The following PAQR8 variants were observed in gnomAD, a reference collection of about 807,000 sequenced individuals.
PAQR8 encodes progestin and adipoQ receptor family member 8.
PAQR8 carries 17 observed loss-of-function variants against 25.2 expected under a neutral mutation model. The observed-to-expected ratio is 0.67, with a 90% CI of 0.46 to 1.01. The LOEUF (loss-of-function observed/expected upper bound fraction) is 1.01. PAQR8 is among the 50% of genes least tolerant of loss of function. The pLI is 0.00. For missense variants in PAQR8, 392 were observed against 448.4 expected, an observed-to-expected ratio of 0.87 and a Z score of 1.14; for synonymous variants, 204 against 190.6, an observed-to-expected ratio of 1.07 and a Z score of -0.58.
intron 1 of PAQR8, among the ~76,000 whole-genome samples, chr6:52,371,123 G>A (rs903132515): frequency 6.6e-6 from 1 of 152,078 alleles, no homozygotes; most frequent in Admixed American, 6.6e-5. Context: ...TTTAGGTAGT[G>A]AAAAATGCTA....
intron 1 of PAQR8, among the ~76,000 whole-genome samples, chr6:52,385,617 C>T (rs1013820107): frequency 5.3e-5 from 8 of 152,148 alleles, no homozygotes; most frequent in East Asian, 1.9e-4. Flanking sequence ...TGCACCATGG[C>T]GTATGTCTGG....
intron 1 of PAQR8, among the ~76,000 whole-genome samples, chr6:52,375,933 T>A (rs1402253502): frequency 1.3e-5 from 2 of 152,196 alleles, no homozygotes; most frequent in Non-Finnish European, 2.9e-5. Context: ...AATCAAATCA[T>A]TCTTAAGGAA....
intron 1 of PAQR8, among the ~76,000 whole-genome samples, chr6:52,366,446 C>G (rs1763354913): frequency 6.6e-6 from 1 of 152,164 alleles, no homozygotes; most frequent in African/African-American, 2.4e-5. Flanking sequence ...ATGGATTTTA[C>G]TACATGATAT....
intron 1 of PAQR8, among the ~76,000 whole-genome samples, chr6:52,394,606 A>G (rs1438243306): frequency 1.3e-5 from 2 of 152,210 alleles, no homozygotes; most frequent in Non-Finnish European, 1.5e-5. Context: ...TCTCAAAACA[A>G]CCAGTACCCT....
chr6:52,393,382 C>G (rs993588163), intron 1 of PAQR8, among the ~76,000 whole-genome samples: 1 of 131,052 alleles, frequency 7.6e-6, no homozygotes, highest in Non-Finnish European at 1.5e-5. Context: ...GTTGTCCAGG[C>G]TGGAGTGCAG....
rs199504597 is a variant in PAQR8, at chr6:52,403,474, G to A, written c.261G>A (p.Leu87=). The change falls in exon 2 of 2, where the codon CTG becomes CTA. Residue 87 remains leucine, a synonymous_variant. Transcript: ENST00000442253. ...VNVWTHLLAA[L]AVLLRFWAFA... ...TCTGGACCCATTTACTGGCAGCCCT[G>A]GCCGTCCTCTTGCGATTCTGGGCCT... The A allele has an allele frequency of 3.2e-5, 51 of 1,614,168 alleles. No homozygotes were observed. The East Asian group carries it at 9.4e-4, about 30-fold the overall frequency.
At chr6:52,375,290 A>G (rs1763472949) in intron 1 of PAQR8, among the ~76,000 whole-genome samples, 1 of 152,158 alleles carries the variant, frequency 6.6e-6, no homozygotes, top group African/African-American at 2.4e-5. Flanking sequence ...TCAGGAAGCC[A>G]TTACCAAGCA....
At chr6:52,369,114 A>G (rs1463177163) in intron 1 of PAQR8, among the ~76,000 whole-genome samples, 1 of 152,168 alleles carries the variant, frequency 6.6e-6, no homozygotes, top group East Asian at 1.9e-4. Flanking sequence ...TCAGAGCAAT[A>G]TTTTTTGAAT....
chr6:52,364,090 T>TTTTTTTTTTG, intron 1 of PAQR8, among the ~76,000 whole-genome samples: 1 of 143,762 alleles, frequency 7.0e-6, no homozygotes, highest in East Asian at 2.0e-4. Flanking sequence ...TATGTTTTTT[T>TTTTTTTTTTG]TTTTTTTTTT....
chr6:52,406,231 A>G lies in PAQR8; in HGVS notation c.*1953A>G. The G allele has an allele frequency of 2.8e-6, 1 of 355,828 alleles. No individual in the cohort carries two copies. 22.0% of individuals were successfully genotyped at this position (355,828 alleles called of 1,614,324 possible). Reference sequence around the variant, plus strand: ...AGGTCAATTTAAAATAGGGACTAGAAATTATTTGAAGTTTTCTTTATTACG... The same window carrying G: ...AGGTCAATTTAAAATAGGGACTAGAGATTATTTGAAGTTTTCTTTATTACG... On this transcript the variant is annotated 3_prime_UTR_variant, in exon 2 of 2. Transcript: ENST00000442253.
chr6:52,382,016 A>G (rs1025863624), intron 1 of PAQR8, among the ~76,000 whole-genome samples: 3 of 152,222 alleles, frequency 2.0e-5, no homozygotes, highest in Non-Finnish European at 4.4e-5. Context: ...AGTGGATTCA[A>G]CAGATGTTTG....
At position 52,403,733 on chromosome 6, in the gene PAQR8, C is replaced by G. The variant is rs201072442; in HGVS notation, c.520C>G (p.Arg174Gly). 1.2e-6 allele frequency: 2 copies of G among 1,614,212 alleles called. No homozygotes were observed. Among genetic ancestry groups the G allele is most frequent in the Admixed American group, 1.7e-5 (1 of 60,026 alleles). The change falls in exon 2 of 2, where the codon CGG becomes GGG. Residue 174 changes from arginine to glycine, a missense_variant. Physicochemically the swap from Arg to Gly is moderately radical, Grantham distance 125. Transcript: ENST00000442253. Reference sequence around the variant, plus strand: ...CAGCTCTGACCAGGCCTGGTATGACCGGTTCTGGCTTTTCTTCTTGCCAGC... The same window carrying G: ...CAGCTCTGACCAGGCCTGGTATGACGGGTTCTGGCTTTTCTTCTTGCCAGC... ...FYSSDQAWYD[R>G]FWLFFLPAAA... is the part of the protein sequence containing the mutation.
intron 1 of PAQR8, among the ~76,000 whole-genome samples, chr6:52,365,386 G>A (rs1381982047): frequency 1.3e-5 from 2 of 151,986 alleles, no homozygotes; most frequent in Non-Finnish European, 2.9e-5. Context: ...TGATCTAGCT[G>A]TGGTTTGGGG....
intron 1 of PAQR8, among the ~76,000 whole-genome samples, chr6:52,364,100 T>C (rs919876815): frequency 2.7e-5 from 4 of 148,378 alleles, no homozygotes; most frequent in African/African-American, 9.9e-5. Flanking sequence ...TTTTTTTTTT[T>C]TTTGCGGGTG....
rs1370966304 is a variant in PAQR8, at chr6:52,403,251, C to A, written c.38C>A (p.Ser13Ter). Residue 13 changes from serine (S) to a stop codon, truncating the protein, a stop_gained, in exon 2 of 2, where the codon TCG becomes TAG. Coordinates refer to ENST00000442253, the MANE Select transcript of PAQR8 (RefSeq NM_133367.5). LOFTEE classifies it high-confidence loss of function. ...ATCTTGGAGCGCCTGAGCACCCTGT[C>A]GGTCAGCGGGCAGCAGCTGCGCCGC... The part of the protein sequence containing the change: ...TAILERLSTL[S>*]VSGQQLRRLP... The A allele has an allele frequency of 1.9e-6, 3 of 1,609,528 alleles. No individual in the cohort carries two copies. Among genetic ancestry groups the A allele is most frequent in the Non-Finnish European group, 2.5e-6 (3 of 1,176,822 alleles).
chr6:52,402,393 G>A (rs1170925883), intron 1 of PAQR8, among the ~76,000 whole-genome samples: 1 of 150,260 alleles, frequency 6.7e-6, no homozygotes, highest in Non-Finnish European at 1.5e-5. Flanking sequence ...TGAGGTGGGC[G>A]GATCACCTGA....
chr6:52,403,883 G>A lies in PAQR8; in HGVS notation c.670G>A (p.Asp224Asn). 6.2e-7 allele frequency: 1 copy of A among 1,614,198 alleles called. No individual in the cohort carries two copies. Among genetic ancestry groups the A allele is most frequent in the Non-Finnish European group, 8.5e-7 (1 of 1,180,030 alleles). ...GCCAGCAGGTCTGGCTTTTATCCTA[G>A]ACATCAGCCCTGTGGCACACCGTGT... ...VVPAGLAFIL[D>N]ISPVAHRVAL... Residue 224 changes from aspartate to asparagine, a missense_variant, in exon 2 of 2, where the codon GAC becomes AAC. Transcript: ENST00000442253.
intron 1 of PAQR8, among the ~76,000 whole-genome samples, chr6:52,372,445 C>T (rs1763430246): frequency 6.6e-6 from 1 of 152,118 alleles, no homozygotes; most frequent in Non-Finnish European, 1.5e-5. Flanking sequence ...TTAACTCCCT[C>T]ATGTTGGCCC....
intron 1 of PAQR8, among the ~76,000 whole-genome samples, chr6:52,390,483 CAGA>C (rs1382693485): frequency 2.0e-5 from 3 of 152,024 alleles, no homozygotes; most frequent in Non-Finnish European, 4.4e-5. Context: ...TCACTGAGCC[CAGA>C]AGGACACATC....
Sources: gnomAD v4.1 joint callset for allele counts (sites outside exome capture counted in the v4.1 genomes callset) on GRCh38, gnomAD v4.1.1 for gene constraint, MANE v1.5 for transcripts, NCBI Gene and HGNC (gene_info 2026-07-23, HGNC 2026-07-21) for gene names.